The following TAF4B variants were observed in gnomAD, a reference collection of about 807,000 sequenced individuals.
TAF4B encodes the protein TATA-box binding protein associated factor 4b, also known as transcription initiation factor TFIID subunit 4B.
In TAF4B, 38 loss-of-function variants were observed where a neutral mutation model predicts 86.4. The ratio of observed to expected loss-of-function variants is 0.44; its 90% CI spans 0.34 to 0.58. The LOEUF (loss-of-function observed/expected upper bound fraction) is 0.58. TAF4B is among the 20% of genes least tolerant of loss of function. The pLI, the probability that TAF4B is intolerant of heterozygous loss-of-function variation, is 0.02. For synonymous variants in TAF4B, 388 were observed against 391.2 expected (o/e 0.99, Z 0.10); for missense variants, 988 against 1,027.6 (o/e 0.96, Z 0.53).
chr18:26,381,767 A>AAATC lies in TAF4B; in HGVS notation c.2422-8077_2422-8074dup, dbSNP rs796178797. Among the ~76,000 whole-genome samples the AAATC allele has an allele frequency of 3.4e-4, 50 of 147,480 alleles. No individual in the cohort carries two copies. The East Asian group carries it at 5.6e-3, about 16-fold the overall frequency. On this transcript the variant is annotated intron_variant, in intron 14 of 14. Coordinates refer to ENST00000269142, the MANE Select transcript of TAF4B (RefSeq NM_005640.3). ...TAAATAAATAAATAAATAAATAAAT[A>AAATC]AATCCAAACCAAATAGTTAATTATA...
chr18:26,339,354 C>T (rs7235143), intron 13 of TAF4B, among the ~76,000 whole-genome samples: 1,531 of 152,150 alleles, frequency 0.01, 12 homozygotes, highest in African/African-American at 0.034. Flanking sequence ...TGAGAAGGGT[C>T]TCACTCTGTC....
At chr18:26,313,236 T>G (rs2056870035) in intron 9 of TAF4B, among the ~76,000 whole-genome samples, 1 of 152,188 alleles carries the variant, frequency 6.6e-6, no homozygotes. Context: ...CTGGTTAGGA[T>G]TCTGTTTTGC....
chr18:26,387,121 A>G (rs1978417766), intron 14 of TAF4B, among the ~76,000 whole-genome samples: 1 of 152,162 alleles, frequency 6.6e-6, no homozygotes, highest in East Asian at 1.9e-4. Flanking sequence ...GCTGGAGTGC[A>G]GTGGCATGAT....
At chr18:26,310,908 C>T (rs1031027923) in intron 9 of TAF4B, among the ~76,000 whole-genome samples, 9 of 151,380 alleles carry the variant, frequency 5.9e-5, no homozygotes, top group Admixed American at 2.0e-4. Flanking sequence ...ATATAGTATT[C>T]AACACAGATG....
chr18:26,324,209 A>G (rs1320522461), intron 11 of TAF4B, among the ~76,000 whole-genome samples: 1 of 152,244 alleles, frequency 6.6e-6, no homozygotes, highest in Non-Finnish European at 1.5e-5. Flanking sequence ...TCTTTAAAGT[A>G]TCTTACAGTT....
At chr18:26,310,074 C>T (rs866084679) in intron 9 of TAF4B, among the ~76,000 whole-genome samples, 1 of 152,300 alleles carries the variant, frequency 6.6e-6, no homozygotes, top group Admixed American at 6.5e-5. Flanking sequence ...ACGCCCACCT[C>T]GGGCTCCGAA....
chr18:26,344,369 T>TA (rs530661553), intron 13 of TAF4B, among the ~76,000 whole-genome samples: 594 of 147,436 alleles, frequency 4.0e-3, no homozygotes, highest in Middle Eastern at 0.01. Flanking sequence ...TTTTTTTTTT[T>TA]AAAAAAAAAG....
chr18:26,257,862 T>C (rs891069408), intron 1 of TAF4B, among the ~76,000 whole-genome samples: 1 of 151,486 alleles, frequency 6.6e-6, no homozygotes, highest in African/African-American at 2.4e-5. Context: ...TGTGTGTGTG[T>C]GTGTGTGTGT....
At chr18:26,302,371 A>ATTTTTTTTTTT (rs66683595) in intron 9 of TAF4B, among the ~76,000 whole-genome samples, 14 of 93,068 alleles carry the variant, frequency 1.5e-4, no homozygotes, top group Non-Finnish European at 1.8e-4. Context: ...TTCATATTAA[A>ATTTTTTTTTTT]TTTTTTTTTT....
intron 14 of TAF4B, among the ~76,000 whole-genome samples, chr18:26,359,813 T>C (rs1045548852): frequency 6.6e-6 from 1 of 151,998 alleles, no homozygotes; most frequent in African/African-American, 2.4e-5. Context: ...CTTCCTGGGC[T>C]CAAGCAATCC....
chr18:26,369,445 G>T (rs560860587), intron 14 of TAF4B, among the ~76,000 whole-genome samples: 11 of 152,316 alleles, frequency 7.2e-5, no homozygotes, highest in Admixed American at 2.0e-4. Context: ...GACTTGTATT[G>T]TGTCAAACCA....
chr18:26,315,472 C>CAACCCAGGTTGTCTCTTT, intron 10 of TAF4B, 74 bp downstream of exon 10: 2 of 1,247,896 alleles, frequency 1.6e-6, no homozygotes, highest in Non-Finnish European at 2.2e-6. Flanking sequence ...AAGAGACAAC[C>CAACCCAGGTTGTCTCTTT]TGGGTTGGTT....
At chr18:26,277,366 A>G (rs535477034) in intron 5 of TAF4B, among the ~76,000 whole-genome samples, 1 of 152,206 alleles carries the variant, frequency 6.6e-6, no homozygotes, top group African/African-American at 2.4e-5. Flanking sequence ...GATTACGGGC[A>G]TGAGCCACCG....
chr18:26,229,490 CTTTCTT>C (rs1301591999), intron 1 of TAF4B, among the ~76,000 whole-genome samples: 2 of 121,368 alleles, frequency 1.6e-5, no homozygotes, highest in African/African-American at 6.2e-5. Flanking sequence ...ATCTTTCTTT[CTTTCTT>C]TTTTTTTTTT....
At chr18:26,339,019 A>G (rs2057115325) in intron 13 of TAF4B, among the ~76,000 whole-genome samples, 1 of 152,180 alleles carries the variant, frequency 6.6e-6, no homozygotes, top group African/African-American at 2.4e-5. Context: ...TTCCTGCTGC[A>G]TAGTGTTCTT....
intron 13 of TAF4B, among the ~76,000 whole-genome samples, chr18:26,342,597 C>G (rs2057145188): frequency 6.6e-6 from 1 of 152,096 alleles, no homozygotes; most frequent in African/African-American, 2.4e-5. Context: ...TTTTTTGGGT[C>G]TTGATTAAAG....
At chr18:26,237,587 G>C (rs1568094366) in intron 1 of TAF4B, among the ~76,000 whole-genome samples, 1 of 152,126 alleles carries the variant, frequency 6.6e-6, no homozygotes, top group Non-Finnish European at 1.5e-5. Flanking sequence ...CTGTAGGGAA[G>C]CTAGGATATG....
chr18:26,302,174 A>G (rs2056740931), intron 9 of TAF4B, among the ~76,000 whole-genome samples: 1 of 152,062 alleles, frequency 6.6e-6, no homozygotes, highest in African/African-American at 2.4e-5. Flanking sequence ...TGTTACACAT[A>G]TCTACTAGAG....
intron 5 of TAF4B, among the ~76,000 whole-genome samples, chr18:26,280,105 T>C (rs970963393): frequency 2.6e-5 from 4 of 151,730 alleles, no homozygotes; most frequent in Non-Finnish European, 5.9e-5. Context: ...GATAACTCAT[T>C]ATCTATGTGC....
Sources: gnomAD v4.1 joint callset for allele counts (sites outside exome capture counted in the v4.1 genomes callset) on GRCh38, gnomAD v4.1.1 for gene constraint, MANE v1.5 for transcripts, NCBI Gene and HGNC (gene_info 2026-07-23, HGNC 2026-07-21) for gene names.